Variants in GRIN2D observed in about 807,000 individuals in gnomAD.
GRIN2D encodes glutamate receptor ionotropic, NMDA 2D.
GRIN2D carries 37 observed loss-of-function variants against 103.2 expected under a neutral mutation model. The ratio of observed to expected loss-of-function variants is 0.36; its 90% confidence interval spans 0.28 to 0.47. The LOEUF is 0.47. Among genes scored for constraint, GRIN2D ranks in the 20% least tolerant of loss-of-function variants. GRIN2D has a pLI of 1.00. For synonymous variants in GRIN2D, 845 were observed against 885.6 expected (o/e 0.95, Z 0.81); for missense variants, 1,557 against 1,910.6 (o/e 0.81, Z 3.45).
chr19:48,426,015 A>G (rs1374504614), intron 11 of GRIN2D, among the ~76,000 whole-genome samples: 1 of 152,150 alleles, frequency 6.6e-6, no homozygotes, highest in Non-Finnish European at 1.5e-5. Context: ...AACAGTGCAT[A>G]TAATACCTTC....
At chr19:48,399,508 C>T (rs1371427483) in intron 3 of GRIN2D, among the ~76,000 whole-genome samples, 1 of 152,184 alleles carries the variant, frequency 6.6e-6, no homozygotes, top group Non-Finnish European at 1.5e-5. Context: ...GCGGAGGCTG[C>T]GGTGAGCCGA....
chr19:48,415,222 T>C (rs970448380), intron 7 of GRIN2D, among the ~76,000 whole-genome samples, 190 bp downstream of exon 7: 1 of 151,404 alleles, frequency 6.6e-6, no homozygotes, highest in East Asian at 2.0e-4. Flanking sequence ...ATGCAAAAAA[T>C]TAGCCGTGCG....
intron 10 of GRIN2D, among the ~76,000 whole-genome samples, chr19:48,420,928 G>A (rs912234279): frequency 6.6e-6 from 1 of 152,118 alleles, no homozygotes; most frequent in Non-Finnish European, 1.5e-5. Flanking sequence ...CTCCATTCCT[G>A]TACACATCTC....
rs1025770673 is a variant in GRIN2D at position 48,421,104 on chromosome 19, G to T, written c.2092-681G>T. On this transcript the variant is annotated intron_variant, in intron 10 of 13. Transcript: ENST00000263269. This position sits in a 1 kb window ranked among gnomAD's most constrained non-coding sequence, Gnocchi z 4.8. ...ATGGAGTAGAATAGAATAGTTGCCT[G>T]CATCTTATGTATAAGTTTGGTTTTA... 8.5e-5 allele frequency among the ~76,000 whole-genome samples: 13 copies of T among 152,166 alleles called. No homozygotes were observed. The highest frequency in any genetic ancestry group is 3.1e-4 in the African/African-American group (13 of 41,442).
intron 4 of GRIN2D, among the ~76,000 whole-genome samples, chr19:48,410,540 A>AAAAAAAAAAAAG (rs1970845748): frequency 6.6e-6 from 1 of 150,820 alleles, no homozygotes; most frequent in Non-Finnish European, 1.5e-5. Context: ...AAAAAAAAAA[A>AAAAAAAAAAAAG]AAAAAAAAAA....
intron 11 of GRIN2D, among the ~76,000 whole-genome samples, chr19:48,424,262 A>G (rs1322741987): frequency 6.8e-6 from 1 of 147,086 alleles, no homozygotes; most frequent in Non-Finnish European, 1.5e-5. Context: ...CACAAAAAAA[A>G]AAATTTTTTT....
In GRIN2D at chr19:48,414,347, C is replaced by A. The variant is rs753129428; in HGVS notation, c.1201-26C>A. 5.7e-6 allele frequency: 9 copies of A among 1,566,494 alleles called. No individual in the cohort carries two copies. The highest frequency in any genetic ancestry group is 6.9e-6 in the Non-Finnish European group (8 of 1,153,198). On this transcript the variant is annotated intron_variant, in intron 5 of 13. Coordinates refer to ENST00000263269, the MANE Select transcript of GRIN2D (RefSeq NM_000836.4). This position sits in a 1 kb window ranked among gnomAD's most constrained non-coding sequence, Gnocchi z 4.6. ...TACACCGGGAAGTCTTCCCAGGAAG[C>A]CTGACTCTCTTTCCCTTTGGCCAAG... is the stretch of plus-strand genomic sequence containing the variant.
chr19:48,410,612 C>T (rs1209042733), intron 4 of GRIN2D, among the ~76,000 whole-genome samples: 1 of 147,950 alleles, frequency 6.8e-6, no homozygotes, highest in East Asian at 2.1e-4. Context: ...AGGCCTGGAT[C>T]TGTTCCACAG....
At chr19:48,413,919 G>A in intron 4 of GRIN2D, 72 bp from the exon 5 acceptor site, 1 of 847,038 alleles carries the variant, frequency 1.2e-6, no homozygotes, top group Non-Finnish European at 2.1e-6. Context: ...GCAGAAAGGG[G>A]ACTTTCTCTG....
At position 48,401,254 on chromosome 19, in the gene GRIN2D, AGAG is replaced by A. The variant is rs1970707607; in HGVS notation, c.465+2399_465+2401del. ...TTTAATTCCTAGGGAATACAGTTCTAGAGGGGGGGGGAAAAAAAGAGAGGGAGA... is the reference window on the plus strand; with the variant it reads ...TTTAATTCCTAGGGAATACAGTTCTAGGGGGGGGAAAAAAAGAGAGGGAGA... On this transcript the variant is annotated intron_variant, in intron 3 of 13. Coordinates refer to ENST00000263269, the MANE Select transcript of GRIN2D (RefSeq NM_000836.4). 2.7e-5 allele frequency among the ~76,000 whole-genome samples: 4 copies of A among 150,338 alleles called. No individual in the cohort carries two copies. The South Asian group carries it at 6.3e-4, about 24-fold the overall frequency.
rs773117202 is a variant in GRIN2D, at chr19:48,419,609, T to C, written c.1886T>C (p.Ile629Thr). The C allele has an allele frequency of 1.9e-6, 3 of 1,613,200 alleles. No homozygotes were observed. Among genetic ancestry groups the C allele is most frequent in the South Asian group, 1.1e-5 (1 of 91,010 alleles). ...GGCCCTGGCGGTTCAACCTTCACCA[T>C]TGGGAAATCCATCTGGCTGCTCTGG... ...GKRPGGSTFT[I>T]GKSIWLLWAL... Residue 629 changes from isoleucine to threonine, a missense_variant, in exon 10 of 14, where the codon ATT becomes ACT. Around this residue, in one of 7 missense-constraint regions of GRIN2D, gnomAD observed 197 missense variants for 334.1 expected, o/e 0.59. Coordinates refer to ENST00000263269, the MANE Select transcript of GRIN2D (RefSeq NM_000836.4).
At chr19:48,438,994 G>A (rs1009148245) in intron 11 of GRIN2D, among the ~76,000 whole-genome samples, 4 of 148,870 alleles carry the variant, frequency 2.7e-5, no homozygotes, top group Non-Finnish European at 4.5e-5. Context: ...GGCCCAGGCT[G>A]GTCTCAAACT....
rs201999871 is a variant in GRIN2D, at chr19:48,404,692, C to T, written c.466-42C>T. On this transcript the variant is annotated intron_variant, in intron 3 of 13. Transcript: ENST00000263269. ...CTTATTCATTGCTGAGAAATAAGGT[C>T]CCCACATCGGCAGGCCTGACATCCT... The T allele has an allele frequency of 6.5e-4, 996 of 1,537,696 alleles. 6 individuals are homozygous for T. In the African/African-American group the frequency reaches 9.9e-3, roughly 15 times the overall value.
chr19:48,414,747 C>A lies in GRIN2D; in HGVS notation c.1413-117C>A. 1 of 1,330,270 alleles carries A rather than the reference C, an allele frequency of 7.5e-7. No homozygotes were observed. The highest frequency in any genetic ancestry group is 1.3e-5 in the South Asian group (1 of 74,166). The allele number at this position is 1,330,270 out of a possible 1,614,324, so 82.4% of individuals were successfully genotyped here. On this transcript the variant is annotated intron_variant, in intron 6 of 13. Transcript: ENST00000263269. The surrounding 1 kb of genome is among the most constrained non-coding windows in gnomAD (Gnocchi z 4.6). ...CAGAATTCTTTGAGCCTGAGTTTCC[C>A]CTGAAAGCGCTAACCATAGTTTTAG...
At chr19:48,422,526 G>A (rs746842696) in intron 11 of GRIN2D, among the ~76,000 whole-genome samples, 6 of 151,736 alleles carry the variant, frequency 4.0e-5, no homozygotes, top group Non-Finnish European at 7.4e-5. Context: ...CAGGAGAATC[G>A]CTTGAACCTG....
In GRIN2D at chr19:48,443,099, C is replaced by A; in HGVS notation, c.3173C>A (p.Pro1058His). The change falls in exon 14 of 14, where the codon CCC (proline) becomes CAC (histidine). Residue 1058 changes from proline (P) to histidine (H), a missense_variant. Physicochemically the swap from Pro to His is moderately conservative, Grantham distance 77. Transcript: ENST00000263269. This position sits in a 1 kb window ranked among gnomAD's most constrained non-coding sequence, Gnocchi z 8.9. ...TTCGAGGACGAGAGCCCGCCGGCGC[C>A]CGCGCGGTGGCCGCGCTCGGACCCC... ...LAFEDESPPA[P>H]ARWPRSDPES... 1 of 1,024,906 alleles carries A rather than the reference C, an allele frequency of 9.8e-7. No homozygotes were observed. The highest frequency in any genetic ancestry group is 1.2e-6 in the Non-Finnish European group (1 of 853,594). The allele number at this position is 1,024,906 out of a possible 1,614,324, so 63.5% of individuals were successfully genotyped here. A position where few individuals can be genotyped will look rare whatever the true frequency, so the allele number is the denominator to read the frequency against.
At chr19:48,423,249 CA>C (rs1255898970) in intron 11 of GRIN2D, among the ~76,000 whole-genome samples, 1 of 152,014 alleles carries the variant, frequency 6.6e-6, no homozygotes. Flanking sequence ...GTTCAGGCCC[CA>C]AAGTGCAGCC....
At chr19:48,438,623 G>A (rs1047874324) in intron 11 of GRIN2D, among the ~76,000 whole-genome samples, 8 of 151,326 alleles carry the variant, frequency 5.3e-5, no homozygotes, top group South Asian at 4.2e-4. Context: ...TAATAGAGAC[G>A]GGGTTTCGCC....
Position 48,442,063 on chromosome 19 carries a change from A to C in GRIN2D, c.2441-87A>C. ...CCGGACACCAGGGTCTGAGGGAGGA[A>C]GGGGCTAAGGGCCTACATTCCCACA... On this transcript the variant is annotated intron_variant, in intron 12 of 13. Coordinates refer to ENST00000263269, the MANE Select transcript of GRIN2D (RefSeq NM_000836.4). This position sits in a 1 kb window ranked among gnomAD's most constrained non-coding sequence, Gnocchi z 7.2. 2 of 1,504,942 alleles carry C rather than the reference A, an allele frequency of 1.3e-6. No homozygotes were observed. Among genetic ancestry groups the C allele is most frequent in the Non-Finnish European group, 1.8e-6 (2 of 1,096,188 alleles). The allele number at this position is 1,504,942 out of a possible 1,614,324, so 93.2% of individuals were successfully genotyped here.
Sources: gnomAD v4.1 joint callset for allele counts (sites outside exome capture counted in the v4.1 genomes callset) on GRCh38, gnomAD v4.1.1 for gene constraint, gnomAD v4.1.1 regional missense constraint, Gnocchi (gnomAD v3.1) non-coding constraint, MANE v1.5 for transcripts, NCBI Gene and HGNC (gene_info 2026-07-23, HGNC 2026-07-21) for gene names.